The following USP6 variants were observed in gnomAD, a reference collection of about 807,000 sequenced individuals.
USP6 encodes ubiquitin specific peptidase 6.
A neutral mutation model predicts 175.7 loss-of-function variants in USP6; 128 were observed. The observed-to-expected ratio is 0.73, with a 90% CI of 0.63 to 0.84. The LOEUF (loss-of-function observed/expected upper bound fraction) is 0.84, where lower values mean the gene tolerates loss of function less well. Among genes scored for constraint, USP6 ranks in the 40% least tolerant of loss-of-function variants. The pLI is 0.00. For synonymous variants in USP6, 562 were observed against 630.6 expected, an observed-to-expected ratio of 0.89 and a Z score of 1.63; for missense variants, 1,498 against 1,760.3, an observed-to-expected ratio of 0.85 and a Z score of 2.67.
intron 21 of USP6, among the ~76,000 whole-genome samples, chr17:5,138,490 A>G (rs567718415): frequency 1.3e-5 from 2 of 152,180 alleles, no homozygotes; most frequent in Admixed American, 6.5e-5. Flanking sequence ...CAGGAGAGGG[A>G]TGTGGGCAAG....
chr17:5,147,999 G>A (rs2073659184), intron 29 of USP6, among the ~76,000 whole-genome samples: 1 of 152,130 alleles, frequency 6.6e-6, no homozygotes, highest in Non-Finnish European at 1.5e-5. Context: ...TCCCACCTCA[G>A]CCTCCCAAGA....
Position 5,142,473 on chromosome 17 carries a change from C to G in USP6, c.1789C>G (p.Gln597Glu). Residue 597 changes from glutamine (Q) to glutamate (E), a missense_variant, in exon 25 of 38, where the codon CAG becomes GAG. Transcript: ENST00000574788. ...AGTGCAGGAACTCTGGAGTGGAACT[C>G]AGAAGAGTGTTGCCCCATTAAAGCT... The part of the protein sequence containing the change: ...DLVQELWSGT[Q>E]KSVAPLKLRR... The G allele has an allele frequency of 1.9e-6, 3 of 1,612,728 alleles. No homozygotes were observed. Among genetic ancestry groups the G allele is most frequent in the Non-Finnish European group, 1.7e-6 (2 of 1,179,780 alleles).
At position 5,132,155 on chromosome 17, in the gene USP6, C is replaced by A. The variant is rs2073089224; in HGVS notation, c.156-241C>A. On this transcript the variant is annotated intron_variant, in intron 11 of 37. Transcript: ENST00000574788. This position sits in a 1 kb window ranked among gnomAD's most constrained non-coding sequence, Gnocchi z 4.7. The stretch of plus-strand genomic sequence containing the variant: ...GCCCCACTGTGGCCTGACCACCCCC[C>A]ATGCCAGGGGCCCCAGTAACCCCAG... 6.9e-6 allele frequency: 10 copies of A among 1,455,670 alleles called. No homozygotes were observed. Among genetic ancestry groups the A allele is most frequent in the Non-Finnish European group, 9.2e-6 (10 of 1,086,024 alleles). The allele number at this position is 1,455,670 out of a possible 1,614,324, so 90.2% of individuals were successfully genotyped here.
In USP6 at chr17:5,130,374, A is replaced by G. The variant is rs770065135; in HGVS notation, c.7A>G (p.Met3Val). 10 of 1,614,002 alleles carry G rather than the reference A, an allele frequency of 6.2e-6. No individual in the cohort carries two copies. In the African/African-American group the frequency reaches 6.7e-5, roughly 11 times the overall value. The change falls in exon 10 of 38, where the codon ATG (methionine) becomes GTG (valine). Residue 3 changes from methionine to valine, a missense_variant. By Grantham distance (21) the Met-to-Val change is conservative. This residue lies in a region of USP6 where 281 missense variants were observed against 259.6 expected (regional missense o/e 1.08). Coordinates refer to ENST00000574788, the MANE Select transcript of USP6 (RefSeq NM_001304284.2). ...GACAATTTTGTCTCACAGGATGGAC[A>G]TGGTAGAGAATGCAGATAGTTTGCA... The part of the protein sequence containing the change: MD[M>V]VENADSLQAQ...
chr17:5,165,308 G>A (rs2074075741), intron 33 of USP6, among the ~76,000 whole-genome samples: 1 of 152,004 alleles, frequency 6.6e-6, no homozygotes, highest in Admixed American at 6.6e-5. Flanking sequence ...AAAAATAGAG[G>A]GGCAATCACT....
At chr17:5,149,586 A>C (rs534377290) in intron 30 of USP6, among the ~76,000 whole-genome samples, 1 of 152,302 alleles carries the variant, frequency 6.6e-6, no homozygotes, top group South Asian at 2.1e-4. Context: ...GAAAAAAACA[A>C]AAACCAACAC....
chr17:5,118,202 T>C lies in USP6; in HGVS notation c.-1925T>C, dbSNP rs1341540256. The C allele has an allele frequency of 6.6e-6, 1 of 152,476 alleles. No individual in the cohort carries two copies. The allele number at this position is 152,476 out of a possible 1,614,324, so 9.4% of individuals were successfully genotyped here. On this transcript the variant is annotated splice_region_variant and 5_prime_UTR_variant, in exon 2 of 38. Transcript: ENST00000574788. ...AGTCTTATTTCCTATTGATACAGGA[T>C]TTTTTTCCTTGATTCCTTCGTGGGA...
rs559761173 is a variant in USP6 at position 5,132,804 on chromosome 17, C to T, written c.196-106C>T. The T allele has an allele frequency of 4.6e-5, 63 of 1,379,160 alleles. No individual in the cohort carries two copies. Among genetic ancestry groups the T allele is most frequent in the Non-Finnish European group, 6.4e-5 (62 of 968,142 alleles). 85.4% of individuals were successfully genotyped at this position (1,379,160 alleles called of 1,614,324 possible). A position where few individuals can be genotyped will look rare whatever the true frequency, so the allele number is the denominator to read the frequency against. On this transcript the variant is annotated intron_variant, in intron 12 of 37. Coordinates refer to ENST00000574788, the MANE Select transcript of USP6 (RefSeq NM_001304284.2). The surrounding 1 kb of genome is among the most constrained non-coding windows in gnomAD (Gnocchi z 4.7). ...CTTAGGGTCTGCCCTTCCCTGGCTC[C>T]TTCCAGTTGGGTCCCACCAGGGCTC...
In USP6 at chr17:5,116,567, T is replaced by TA. The variant is rs1168994442; in HGVS notation, c.-2100dup. On this transcript the variant is annotated 5_prime_UTR_variant, in exon 1 of 38. Transcript: ENST00000574788. ...GGGCGACAAGTTACAGTTGCTGCCT[T>TA]ACGATGGCCGTGGCCCGTGGAGGCA... 6.6e-6 allele frequency: 1 copy of TA among 152,254 alleles called. No individual in the cohort carries two copies. The highest frequency in any genetic ancestry group is 1.5e-5 in the Non-Finnish European group (1 of 68,086). The allele number at this position is 152,254 out of a possible 1,614,324, so 9.4% of individuals were successfully genotyped here.
chr17:5,136,759 T>C (rs764071480), intron 18 of USP6, 25 bp downstream of exon 18: 1 of 1,609,676 alleles, frequency 6.2e-7, no homozygotes. Flanking sequence ...CCCTCGGCTC[T>C]TCTCAGAGGC....
intron 29 of USP6, 47 bp downstream of exon 29, chr17:5,147,241 T>C (rs527581339): frequency 6.5e-7 from 1 of 1,545,666 alleles, no homozygotes; most frequent in African/African-American, 1.4e-5. Flanking sequence ...CTTTAAATAT[T>C]TGTCTAAGAG....
chr17:5,145,443 T>A lies in USP6; in HGVS notation c.2031T>A (p.Ile677=). 1.2e-6 allele frequency: 2 copies of A among 1,611,818 alleles called. No homozygotes were observed. The highest frequency in any genetic ancestry group is 1.7e-6 in the Non-Finnish European group (2 of 1,179,080). The part of the protein sequence containing the change: ...DNHLRRNRSI[I]VDLFHGQLRS... Reference sequence around the variant, plus strand: ...ATCTAAGAAGAAATAGATCAATTATTGTGGATTTGTTCCATGGGCAGCTAA... The same window carrying A: ...ATCTAAGAAGAAATAGATCAATTATAGTGGATTTGTTCCATGGGCAGCTAA... Residue 677 remains isoleucine, a synonymous_variant, in exon 27 of 38, where the codon ATT becomes ATA. Coordinates refer to ENST00000574788, the MANE Select transcript of USP6 (RefSeq NM_001304284.2).
At chr17:5,125,657 A>AAC (rs771086467) in intron 5 of USP6, among the ~76,000 whole-genome samples, 164 bp from the exon 6 acceptor site, 54 of 52,868 alleles carry the variant, frequency 1.0e-3, no homozygotes, top group African/African-American at 3.6e-3. Flanking sequence ...GCAACACACA[A>AAC]ACACGCACAC....
At chr17:5,156,486 G>C (rs1015999601) in intron 31 of USP6, among the ~76,000 whole-genome samples, 5 of 148,964 alleles carry the variant, frequency 3.4e-5, no homozygotes, top group Non-Finnish European at 7.4e-5. Context: ...TTGTTTTTTT[G>C]GTAGAGATGG....
At chr17:5,167,755 C>G (rs1274045424) in intron 33 of USP6, among the ~76,000 whole-genome samples, 177 bp from the exon 34 acceptor site, 2 of 152,274 alleles carry the variant, frequency 1.3e-5, no homozygotes, top group Middle Eastern at 6.8e-3. Context: ...CCCCCCACCT[C>G]GGCCTCCTAA....
chr17:5,126,682 TTC>T (rs1018301094), intron 6 of USP6: 2 of 152,258 alleles, frequency 1.3e-5, no homozygotes, highest in Non-Finnish European at 2.9e-5. Flanking sequence ...TCATCTCTCT[TTC>T]TCTCTCCTTT....
chr17:5,116,044 G>A lies in USP6; in HGVS notation c.-2624G>A, dbSNP rs1280261000. Among the ~76,000 whole-genome samples, 1 of 152,232 alleles carries A rather than the reference G, an allele frequency of 6.6e-6. No homozygotes were observed. Among genetic ancestry groups the A allele is most frequent in the Admixed American group, 6.5e-5 (1 of 15,290 alleles). On this transcript the variant is annotated 5_prime_UTR_variant, in exon 1 of 38. Coordinates refer to ENST00000574788, the MANE Select transcript of USP6 (RefSeq NM_001304284.2). ...GGCCAGGCAGAGGGGACAGCTAGCG[G>A]CGCGGCGGGACGGGCGGGCCCCGAC...
chr17:5,135,633 C>T (rs1342696988), intron 16 of USP6, among the ~76,000 whole-genome samples, 175 bp from the exon 17 acceptor site: 2 of 152,196 alleles, frequency 1.3e-5, no homozygotes, highest in Non-Finnish European at 2.9e-5. Flanking sequence ...GGACAAGGTG[C>T]TGAAGTGCCT....
chr17:5,135,607 T>C (rs759337416), intron 16 of USP6, among the ~76,000 whole-genome samples: 1 of 152,188 alleles, frequency 6.6e-6, no homozygotes, highest in Non-Finnish European at 1.5e-5. Context: ...AGGACGGTGC[T>C]CTCAGGAGAC....
Sources: allele counts gnomAD v4.1 joint callset (sites outside exome capture counted in the v4.1 genomes callset), GRCh38; gene constraint gnomAD v4.1.1; regional missense constraint gnomAD v4.1.1; non-coding constraint Gnocchi (gnomAD v3.1); transcripts MANE v1.5; gene names NCBI Gene and HGNC (gene_info 2026-07-23, HGNC 2026-07-21).